The following RGS2 variants were observed in gnomAD, a reference collection of about 807,000 sequenced individuals.
RGS2 encodes G0 to G1 switch regulatory 8, 24kD.
Under a neutral mutation model 26.6 loss-of-function variants are expected in RGS2, and 20 were observed. The ratio of observed to expected loss-of-function variants is 0.75; its 90% CI spans 0.53 to 1.09. The LOEUF is 1.09. RGS2 is among the 50% of genes least tolerant of loss of function. The pLI is 0.00. For missense variants in RGS2, 246 were observed against 245.5 expected, an observed-to-expected ratio of 1.00 and a Z score of -0.01; for synonymous variants, 97 against 79.9, an observed-to-expected ratio of 1.21 and a Z score of -1.14.
Position 192,809,084 on chromosome 1 carries a change from A to C in RGS2, c.13A>C (p.Met5Leu). The C allele has an allele frequency of 6.2e-7, 1 of 1,612,978 alleles. No homozygotes were observed. The highest frequency in any genetic ancestry group is 8.5e-7 in the Non-Finnish European group (1 of 1,178,968). MQSA[M>L]FLAVQHDCRP... ...CGGGAGAACGATAATGCAAAGTGCT[A>C]TGTTCTTGGCTGTTCAACACGACTG... Residue 5 changes from methionine (M) to leucine (L), a missense_variant, in exon 1 of 5, where the codon ATG (methionine) becomes CTG (leucine). Met to Leu is a conservative substitution (Grantham distance 15). Transcript: ENST00000235382.
At chr1:192,809,230 AAGCTGCAAAC>A in intron 1 of RGS2, 49 bp downstream of exon 1, 1 of 1,322,092 alleles carries the variant, frequency 7.6e-7, no homozygotes, top group Non-Finnish European at 1.1e-6. Context: ...CCCACACTGC[AAGCTGCAAAC>A]GCGGTACTTT....
At chr1:192,810,119 T>C in intron 1 of RGS2, 47 bp from the exon 2 acceptor site, 1 of 1,205,530 alleles carries the variant, frequency 8.3e-7, no homozygotes, top group Non-Finnish European at 1.2e-6. Context: ...CAGTAGCATA[T>C]TCAAGTGTTG....
intron 1 of RGS2, 51 bp downstream of exon 1, chr1:192,809,232 G>A: frequency 7.7e-7 from 1 of 1,296,600 alleles, no homozygotes; most frequent in Non-Finnish European, 1.1e-6. Context: ...CACACTGCAA[G>A]CTGCAAACGC....
rs1227558048 is a variant in RGS2 at position 192,811,261 on chromosome 1, T to C, written c.441+114T>C. 5.2e-6 allele frequency: 7 copies of C among 1,348,750 alleles called. No individual in the cohort carries two copies. The African/African-American group carries it at 8.7e-5, about 17-fold the overall frequency. The allele number at this position is 1,348,750 out of a possible 1,614,324, so 83.5% of individuals were successfully genotyped here. On this transcript the variant is annotated intron_variant, in intron 4 of 4. Coordinates refer to ENST00000235382, the MANE Select transcript of RGS2 (RefSeq NM_002923.4). Reference sequence around the variant, plus strand: ...AGGGGTAAAAAGTCCCTCCACGTTGTAGCTTTCAGTTATGTTAAAGTTCTC... The same window carrying C: ...AGGGGTAAAAAGTCCCTCCACGTTGCAGCTTTCAGTTATGTTAAAGTTCTC...
chr1:192,809,116 C>G lies in RGS2; in HGVS notation c.45C>G (p.Pro15=). The G allele has an allele frequency of 1.2e-6, 2 of 1,614,090 alleles. No homozygotes were observed. The highest frequency in any genetic ancestry group is 1.7e-6 in the Non-Finnish European group (2 of 1,179,968). Residue 15 remains proline (P), a synonymous_variant, in exon 1 of 5, where the codon CCC becomes CCG. Transcript: ENST00000235382. ...MFLAVQHDCR[P]MDKSAGSGHK... is the part of the protein sequence containing the mutation. ...TGGCTGTTCAACACGACTGCAGACC[C>G]ATGGACAAGAGCGCAGGCAGTGGCC...
In RGS2 at chr1:192,810,239, A is replaced by C. The variant is rs764271951; in HGVS notation, c.184A>C (p.Lys62Gln). Residue 62 changes from lysine (K) to glutamine (Q), a missense_variant, in exon 2 of 5, where the codon AAA becomes CAA. Transcript: ENST00000235382. ...SSTPGKPKTGKKSKQQAFIKP... is the reference protein window; with the variant it reads ...SSTPGKPKTGQKSKQQAFIKP... ...TACTCCTGGGAAGCCCAAAACCGGC[A>C]AAAAAAGCAAACAGCAAGCTTTCAT... The C allele has an allele frequency of 1.9e-6, 3 of 1,612,968 alleles. No individual in the cohort carries two copies. The South Asian group carries it at 3.3e-5, about 18-fold the overall frequency.
chr1:192,811,886 T>C lies in RGS2; in HGVS notation c.*290T>C. ...GAATGTAAGATGATGAAAGAGACAA[T>C]GTAATACTGTTGGTCCAAAAGCATT... is the stretch of plus-strand genomic sequence containing the variant. On this transcript the variant is annotated 3_prime_UTR_variant, in exon 5 of 5. Transcript: ENST00000235382. 1 of 449,494 alleles carries C rather than the reference T, an allele frequency of 2.2e-6. No homozygotes were observed. Among genetic ancestry groups the C allele is most frequent in the Non-Finnish European group, 4.1e-6 (1 of 243,300 alleles). The allele number at this position is 449,494 out of a possible 1,614,324, so 27.8% of individuals were successfully genotyped here. A position where few individuals can be genotyped will look rare whatever the true frequency, so the allele number is the denominator to read the frequency against.
chr1:192,810,957 T>C (rs756378137), intron 3 of RGS2, 24 bp from the exon 4 acceptor site: 1 of 1,554,428 alleles, frequency 6.4e-7, no homozygotes, highest in African/African-American at 1.4e-5. Flanking sequence ...ACATTCTGCA[T>C]GCTCTCTTTT....
In RGS2 at chr1:192,811,419, A is replaced by G. The variant is rs1233533644; in HGVS notation, c.459A>G (p.Gln153=). The part of the protein sequence containing the change: ...EAPKEINIDF[Q]TKTLIAQNIQ... ...TATTTCAGATAAACATAGATTTTCA[A>G]ACCAAAACTCTGATTGCCCAGAATA... The change falls in exon 5 of 5, where the codon CAA becomes CAG. Residue 153 remains glutamine, a synonymous_variant. Transcript: ENST00000235382. The G allele has an allele frequency of 1.2e-6, 2 of 1,613,388 alleles. No homozygotes were observed. Among genetic ancestry groups the G allele is most frequent in the Non-Finnish European group, 1.7e-6 (2 of 1,179,746 alleles).
Position 192,811,754 on chromosome 1 carries a change from C to T in RGS2, c.*158C>T. 1.4e-6 allele frequency: 1 copy of T among 726,762 alleles called. No homozygotes were observed. Among genetic ancestry groups the T allele is most frequent in the South Asian group, 1.6e-5 (1 of 64,166 alleles). The allele number at this position is 726,762 out of a possible 1,614,324, so 45.0% of individuals were successfully genotyped here. On this transcript the variant is annotated 3_prime_UTR_variant, in exon 5 of 5. Coordinates refer to ENST00000235382, the MANE Select transcript of RGS2 (RefSeq NM_002923.4). ...AAAGTTGGGTAGTGAATCAGGAAGC[C>T]AGTAACTGACTAGGAGAAGCTGGTA...
chr1:192,810,081 CT>C, intron 1 of RGS2, 84 bp from the exon 2 acceptor site: 1 of 860,422 alleles, frequency 1.2e-6, no homozygotes, highest in South Asian at 1.4e-5. Flanking sequence ...TACTGGGTGA[CT>C]TTATTTGGTA....
intron 3 of RGS2, 49 bp from the exon 4 acceptor site, chr1:192,810,932 G>A (rs767050565): frequency 6.6e-7 from 1 of 1,520,018 alleles, no homozygotes; most frequent in Non-Finnish European, 9.1e-7. Flanking sequence ...GAATCATTTG[G>A]TCTCTCAGTT....
In RGS2 at chr1:192,811,105, G is replaced by T; in HGVS notation, c.399G>T (p.Arg133Ser). Reference sequence around the variant, plus strand: ...CCCAAAAGCTGTCCTCAAAAGCAAGGAAAATATATACTGACTTCATAGAAA... The same window carrying T: ...CCCAAAAGCTGTCCTCAAAAGCAAGTAAAATATATACTGACTTCATAGAAA... ...KSPQKLSSKA[R>S]KIYTDFIEKE... is the part of the protein sequence containing the mutation. The change falls in exon 4 of 5, where the codon AGG (arginine) becomes AGT (serine). Residue 133 changes from arginine (R) to serine (S), a missense_variant. Transcript: ENST00000235382. 6.2e-7 allele frequency: 1 copy of T among 1,614,122 alleles called. No homozygotes were observed. Among genetic ancestry groups the T allele is most frequent in the Non-Finnish European group, 8.5e-7 (1 of 1,180,010 alleles).
At position 192,811,700 on chromosome 1, in the gene RGS2, C is replaced by T. The variant is rs1205934228; in HGVS notation, c.*104C>T. 3 of 1,089,592 alleles carry T rather than the reference C, an allele frequency of 2.8e-6. No homozygotes were observed. The highest frequency in any genetic ancestry group is 3.5e-5 in the Admixed American group (2 of 57,474). 67.5% of individuals were successfully genotyped at this position (1,089,592 alleles called of 1,614,324 possible). A position where few individuals can be genotyped will look rare whatever the true frequency, so the allele number is the denominator to read the frequency against. On this transcript the variant is annotated 3_prime_UTR_variant, in exon 5 of 5. Transcript: ENST00000235382. Reference sequence around the variant, plus strand: ...TGACCTTGAATTCAGCCTGGGTGTTCAGGAAACATCACTCAGAACTATTGA... The same window carrying T: ...TGACCTTGAATTCAGCCTGGGTGTTTAGGAAACATCACTCAGAACTATTGA...
intron 3 of RGS2, 56 bp from the exon 4 acceptor site, chr1:192,810,925 T>A: frequency 1.4e-6 from 2 of 1,478,410 alleles, no homozygotes; most frequent in Non-Finnish European, 1.9e-6. Flanking sequence ...ACATAAGGAA[T>A]CATTTGGTCT....
At chr1:192,810,666 G>T (rs1665577312) in intron 3 of RGS2, 1 of 619,296 alleles carries the variant, frequency 1.6e-6, no homozygotes, top group Admixed American at 2.8e-5. Flanking sequence ...TTATAGTTAA[G>T]GTTGAGTCAG....
chr1:192,809,709 CTT>C (rs1665554584), intron 1 of RGS2, among the ~76,000 whole-genome samples: 1 of 152,022 alleles, frequency 6.6e-6, no homozygotes, highest in Non-Finnish European at 1.5e-5. Context: ...TCACCCACCT[CTT>C]TGTACAGTCT....
Position 192,809,175 on chromosome 1 carries a change from G to A in RGS2, c.104G>A (p.Arg35Gln). The A allele has an allele frequency of 6.2e-7, 1 of 1,607,986 alleles. No homozygotes were observed. The highest frequency in any genetic ancestry group is 8.5e-7 in the Non-Finnish European group (1 of 1,174,450). ...GAGGAGAAGCGAGAAAAGATGAAAC[G>A]GACCCTGTGAGTATGGCTTTCTTCC... ...KSEEKREKMKRTLLKDWKTRL... is the reference protein window; with the variant it reads ...KSEEKREKMKQTLLKDWKTRL... Residue 35 changes from arginine (R) to glutamine (Q), a missense_variant, in exon 1 of 5, where the codon CGG becomes CAG. Coordinates refer to ENST00000235382, the MANE Select transcript of RGS2 (RefSeq NM_002923.4).
rs181615370 is a variant in RGS2, at chr1:192,809,517, C to T, written c.110+336C>T. 249 of 386,538 alleles carry T rather than the reference C, an allele frequency of 6.4e-4. 1 individual carries two copies. Among genetic ancestry groups the T allele is most frequent in the Non-Finnish European group, 1.1e-3 (215 of 201,106 alleles). 23.9% of individuals were successfully genotyped at this position (386,538 alleles called of 1,614,324 possible). A position where few individuals can be genotyped will look rare whatever the true frequency, so the allele number is the denominator to read the frequency against. ...ACGTTGCATGATGAGTTCTCATCAG[C>T]TTACACAGCTACTGGAAGGTGATGC... is the stretch of plus-strand genomic sequence containing the variant. On this transcript the variant is annotated intron_variant, in intron 1 of 4. Transcript: ENST00000235382.
Sources: allele counts gnomAD v4.1 joint callset (sites outside exome capture counted in the v4.1 genomes callset), GRCh38; gene constraint gnomAD v4.1.1; transcripts MANE v1.5; gene names NCBI Gene and HGNC (gene_info 2026-07-23, HGNC 2026-07-21).